PHACTR3: variants seen among roughly 807,000 people sequenced by gnomAD.
PHACTR3 encodes protein phosphatase 1, regulatory subunit 123.
PHACTR3 carries 16 observed loss-of-function variants against 66.8 expected under a neutral mutation model. That is an observed-to-expected ratio of 0.24 (90% confidence interval 0.16 to 0.36). The LOEUF is 0.36. Among genes scored for constraint, PHACTR3 ranks in the 10% least tolerant of loss-of-function variants. The pLI is 1.00. For synonymous variants in PHACTR3, 323 were observed against 292.1 expected (o/e 1.11, Z -1.08); for missense variants, 647 against 719.9 (o/e 0.90, Z 1.16).
intron 2 of PHACTR3, among the ~76,000 whole-genome samples, chr20:59,744,002 G>C (rs2039273126): frequency 6.6e-6 from 1 of 152,090 alleles, no homozygotes; most frequent in Admixed American, 6.5e-5. Flanking sequence ...CGCCTCCTCG[G>C]AATCCAGCTT....
chr20:59,820,149 C>A lies in PHACTR3; in HGVS notation c.1328+13955C>A, dbSNP rs1321637288. ...TGGCGTGGCACCACCTCCTGCTTCA[C>A]CACTGTGGTGAGGGGTCTGCCTGTG... On this transcript the variant is annotated intron_variant, in intron 8 of 12. Transcript: ENST00000371015. The surrounding 1 kb of genome is among the most constrained non-coding windows in gnomAD (Gnocchi z 4.6). Among the ~76,000 whole-genome samples the A allele has an allele frequency of 6.6e-6, 1 of 152,192 alleles. No individual in the cohort carries two copies. The highest frequency in any genetic ancestry group is 1.5e-5 in the Non-Finnish European group (1 of 68,026).
chr20:59,698,264 G>A (rs1422317621), intron 1 of PHACTR3, among the ~76,000 whole-genome samples: 2 of 152,060 alleles, frequency 1.3e-5, no homozygotes, highest in African/African-American at 4.8e-5. Flanking sequence ...ATCATATATA[G>A]CATGTCAATG....
At chr20:59,823,747 G>A (rs952374739) in intron 8 of PHACTR3, among the ~76,000 whole-genome samples, 4 of 152,104 alleles carry the variant, frequency 2.6e-5, no homozygotes, top group South Asian at 2.1e-4. Context: ...TCTCTCCCAC[G>A]CAAACTGCAC....
chr20:59,737,259 T>C (rs1362212872), intron 1 of PHACTR3, among the ~76,000 whole-genome samples: 1 of 152,110 alleles, frequency 6.6e-6, no homozygotes, highest in Non-Finnish European at 1.5e-5. Context: ...ACACCTGCCC[T>C]CGAGGCTCCC....
At chr20:59,655,351 T>C (rs147579533) in intron 1 of PHACTR3, among the ~76,000 whole-genome samples, 15 of 152,210 alleles carry the variant, frequency 9.9e-5, no homozygotes, top group Middle Eastern at 3.4e-3. Flanking sequence ...GTTTTAAATA[T>C]CTTTCCAGAG....
chr20:59,786,864 T>C (rs1253236842), intron 7 of PHACTR3, among the ~76,000 whole-genome samples: 1 of 152,200 alleles, frequency 6.6e-6, no homozygotes, highest in African/African-American at 2.4e-5. Context: ...AGTTAACAGG[T>C]ATTTACAGAA....
chr20:59,695,613 T>G (rs993822800), intron 1 of PHACTR3, among the ~76,000 whole-genome samples: 1 of 152,214 alleles, frequency 6.6e-6, no homozygotes, highest in Admixed American at 6.5e-5. Context: ...CATTATTTTG[T>G]GAGTATTTTC....
intron 1 of PHACTR3, among the ~76,000 whole-genome samples, chr20:59,584,955 A>G (rs2032977747): frequency 6.6e-6 from 1 of 152,076 alleles, no homozygotes; most frequent in African/African-American, 2.4e-5. Flanking sequence ...CACCCCTTTA[A>G]AAAACGCCTT....
chr20:59,766,107 C>G (rs780040451), intron 4 of PHACTR3, among the ~76,000 whole-genome samples: 1 of 152,184 alleles, frequency 6.6e-6, no homozygotes, highest in Non-Finnish European at 1.5e-5. Context: ...AGAGGAGCCC[C>G]GGTCTGATGA....
intron 1 of PHACTR3, among the ~76,000 whole-genome samples, chr20:59,691,195 G>T (rs2037095059): frequency 6.6e-6 from 1 of 152,196 alleles, no homozygotes; most frequent in Admixed American, 6.5e-5. Context: ...CTTCCATGTG[G>T]CCTCGGGTGT....
intron 8 of PHACTR3, chr20:59,836,237 G>C (rs1600745882): frequency 2.3e-6 from 1 of 430,928 alleles, no homozygotes; most frequent in Non-Finnish European, 4.1e-6. Flanking sequence ...TTGGGCGACA[G>C]ATCAGAAAAA....
intron 1 of PHACTR3, among the ~76,000 whole-genome samples, chr20:59,704,958 CT>C (rs552743155): frequency 4.0e-3 from 565 of 139,816 alleles, no homozygotes; most frequent in Middle Eastern, 0.018. Context: ...AAGACTTTCT[CT>C]TTTTTTTTTT....
chr20:59,779,085 C>A (rs2040635627), intron 7 of PHACTR3, among the ~76,000 whole-genome samples: 1 of 152,192 alleles, frequency 6.6e-6, no homozygotes, highest in Non-Finnish European at 1.5e-5. Flanking sequence ...CCCTGAGAAA[C>A]TCCTTGTTGA....
intron 1 of PHACTR3, among the ~76,000 whole-genome samples, chr20:59,641,218 A>G (rs1340518644): frequency 2.0e-5 from 3 of 152,084 alleles, no homozygotes; most frequent in Non-Finnish European, 4.4e-5. Flanking sequence ...CCATTCATCC[A>G]TCCATGTATG....
chr20:59,686,805 T>G (rs1426532714), intron 1 of PHACTR3, among the ~76,000 whole-genome samples: 2,592 of 53,656 alleles, frequency 0.048, no homozygotes, highest in Middle Eastern at 0.13. Flanking sequence ...TGGTGATGAT[T>G]GTGATGATGA....
At chr20:59,668,398 G>A (rs746686923) in intron 1 of PHACTR3, among the ~76,000 whole-genome samples, 2 of 152,120 alleles carry the variant, frequency 1.3e-5, no homozygotes, top group South Asian at 4.1e-4. Context: ...AGGTGGACAT[G>A]TACACCTGTA....
In PHACTR3 at chr20:59,806,166, C is replaced by T. The variant is rs768681755; in HGVS notation, c.1300C>T (p.Arg434Trp). ...GACTGATGAAGAAAGACAGGAGATCCGGCAGCAGATCGAGATGAAGCTTTC... is the reference window on the plus strand; with the variant it reads ...GACTGATGAAGAAAGACAGGAGATCTGGCAGCAGATCGAGATGAAGCTTTC... Reference protein sequence around the residue: ...RRTDEERQEIRQQIEMKLSKR... With the variant: ...RRTDEERQEIWQQIEMKLSKR... The change falls in exon 8 of 13, where the codon CGG (arginine) becomes TGG (tryptophan). Residue 434 changes from arginine to tryptophan, a missense_variant. By Grantham distance (101) the Arg-to-Trp change is moderately radical. Transcript: ENST00000371015. 1.6e-5 allele frequency: 26 copies of T among 1,614,044 alleles called. 1 individual carries two copies. Among genetic ancestry groups the T allele is most frequent in the South Asian group, 5.5e-5 (5 of 91,078 alleles).
intron 7 of PHACTR3, among the ~76,000 whole-genome samples, chr20:59,795,569 G>A (rs188167662): frequency 2.0e-5 from 3 of 152,062 alleles, no homozygotes. Context: ...GTCCATTGCT[G>A]AAGTAAGGTG....
chr20:59,834,962 T>A (rs1378835564), intron 8 of PHACTR3, among the ~76,000 whole-genome samples: 1 of 152,198 alleles, frequency 6.6e-6, no homozygotes, highest in African/African-American at 2.4e-5. Flanking sequence ...ATTTGTGTTT[T>A]CAGAAAGTTT....
Sources: allele counts gnomAD v4.1 joint callset (sites outside exome capture counted in the v4.1 genomes callset), GRCh38; gene constraint gnomAD v4.1.1; non-coding constraint Gnocchi (gnomAD v3.1); transcripts MANE v1.5; gene names NCBI Gene and HGNC (gene_info 2026-07-23, HGNC 2026-07-21).